Variants in TXNDC5 observed in about 807,000 individuals in gnomAD.
TXNDC5 encodes the protein thioredoxin domain-containing protein 5.
A neutral mutation model predicts 52.6 loss-of-function variants in TXNDC5; 44 were observed. The ratio of observed to expected loss-of-function variants is 0.84; its 90% CI spans 0.66 to 1.08. The LOEUF (loss-of-function observed/expected upper bound fraction) is 1.08, where lower values mean the gene tolerates loss of function less well. Among genes scored for constraint, TXNDC5 ranks in the 50% least tolerant of loss-of-function variants. The probability of loss-of-function intolerance (pLI) is 0.00; values close to 1 mark genes in which losing one functional copy is unlikely to be tolerated. For missense variants in TXNDC5, 600 were observed against 565.5 expected (o/e 1.06, Z -0.62); for synonymous variants, 241 against 234.4 (o/e 1.03, Z -0.26).
At position 7,881,930 on chromosome 6, in the gene TXNDC5, T is replaced by C. The variant is rs536253196; in HGVS notation, c.*1214A>G. 6.6e-6 allele frequency: 1 copy of C among 151,316 alleles called. No homozygotes were observed. Among genetic ancestry groups the C allele is most frequent in the Non-Finnish European group, 1.5e-5 (1 of 67,834 alleles). The allele number at this position is 151,316 out of a possible 1,614,324, so 9.4% of individuals were successfully genotyped here. A position where few individuals can be genotyped will look rare whatever the true frequency, so the allele number is the denominator to read the frequency against. ...TAAAAGGACAAACACCTATCTATCT[T>C]AGAGCTTAAGCCTGTATGTGCTTAT... On this transcript the variant is annotated 3_prime_UTR_variant, in exon 10 of 10. Coordinates refer to ENST00000379757, the MANE Select transcript of TXNDC5 (RefSeq NM_030810.5).
At chr6:7,886,218 G>A (rs572601835) in intron 7 of TXNDC5, among the ~76,000 whole-genome samples, 175 bp from the exon 8 acceptor site, 6 of 152,338 alleles carry the variant, frequency 3.9e-5, no homozygotes, top group Admixed American at 2.0e-4. Flanking sequence ...CACAAAGGGA[G>A]GCTGGCAGCC....
intron 3 of TXNDC5, among the ~76,000 whole-genome samples, chr6:7,899,327 GCT>G (rs1760481590): frequency 6.6e-6 from 1 of 152,230 alleles, no homozygotes; most frequent in Non-Finnish European, 1.5e-5. Flanking sequence ...GGTGGTAACT[GCT>G]GAAACTCAGG....
chr6:7,883,152 C>CG lies in TXNDC5; in HGVS notation c.1290dup (p.Glu431ArgfsTer70). 6.2e-7 allele frequency: 1 copy of CG among 1,614,160 alleles called. No individual in the cohort carries two copies. The highest frequency in any genetic ancestry group is 8.5e-7 in the Non-Finnish European group (1 of 1,180,024). On this transcript the variant is annotated frameshift_variant, in exon 10 of 10. Transcript: ENST00000379757. LOFTEE classifies it high-confidence loss of function. Reference sequence around the variant, plus strand: ...GACCTCCAACTGTGTTCCTAAAGTTCGTCTTTCGCTTGGCTCAGGACAAAG... The same window carrying CG: ...GACCTCCAACTGTGTTCCTAAAGTTCGGTCTTTCGCTTGGCTCAGGACAAAG...
At chr6:7,893,228 G>A (rs1760257386) in intron 4 of TXNDC5, among the ~76,000 whole-genome samples, 1 of 152,216 alleles carries the variant, frequency 6.6e-6, no homozygotes, top group Non-Finnish European at 1.5e-5. Context: ...CCAGTGGCAT[G>A]TGGCCTGGCG....
At chr6:7,900,732 C>G (rs1760539721) in intron 2 of TXNDC5, among the ~76,000 whole-genome samples, 1 of 152,178 alleles carries the variant, frequency 6.6e-6, no homozygotes, top group Non-Finnish European at 1.5e-5. Flanking sequence ...GAGTCAGTGT[C>G]TGGTGAGGGC....
intron 1 of TXNDC5, among the ~76,000 whole-genome samples, chr6:7,908,959 A>G (rs930848790): frequency 6.6e-6 from 1 of 152,220 alleles, no homozygotes; most frequent in African/African-American, 2.4e-5. Flanking sequence ...CTCCCGAACA[A>G]AGAGAAACTG....
intron 3 of TXNDC5, among the ~76,000 whole-genome samples, chr6:7,896,419 A>G (rs79593544): frequency 2.0e-5 from 3 of 152,340 alleles, no homozygotes; most frequent in East Asian, 3.9e-4. Flanking sequence ...TGAGGGAAAG[A>G]TAATGGAATC....
chr6:7,886,745 T>G (rs1759996903), intron 7 of TXNDC5, among the ~76,000 whole-genome samples: 1 of 152,180 alleles, frequency 6.6e-6, no homozygotes, highest in Non-Finnish European at 1.5e-5. Context: ...TCTCCAAAAA[T>G]GGATCTGCGA....
In TXNDC5 at chr6:7,910,553, A is replaced by C; in HGVS notation, c.224T>G (p.Ile75Ser). 1.4e-6 allele frequency: 2 copies of C among 1,456,524 alleles called. No individual in the cohort carries two copies. The highest frequency in any genetic ancestry group is 1.8e-6 in the Non-Finnish European group (2 of 1,094,484). 90.2% of individuals were successfully genotyped at this position (1,456,524 alleles called of 1,614,324 possible). Residue 75 changes from isoleucine (I) to serine (S), a missense_variant, in exon 1 of 10, where the codon ATC becomes AGC. Physicochemically the swap from Ile to Ser is moderately radical, Grantham distance 142 (BLOSUM62 -2). Transcript: ENST00000379757. The part of the protein sequence containing the change: ...LYTADMFTHG[I>S]QSAAHFVMFF... ...CATGACGAAGTGCGCGGCGCTCTGG[A>C]TCCCGTGCGTGAACATGTCGGCCGT...
intron 4 of TXNDC5, among the ~76,000 whole-genome samples, chr6:7,893,782 G>A (rs926155876): frequency 2.6e-5 from 4 of 152,232 alleles, no homozygotes; most frequent in African/African-American, 9.6e-5. Flanking sequence ...CTGACTCCCA[G>A]CAGGCACAAG....
intron 3 of TXNDC5, among the ~76,000 whole-genome samples, chr6:7,897,395 A>C (rs1212558474): frequency 6.6e-6 from 1 of 152,252 alleles, no homozygotes; most frequent in Non-Finnish European, 1.5e-5. Context: ...TTAGGTATAC[A>C]GATAAAGAAC....
chr6:7,887,625 C>A (rs1259393089), intron 7 of TXNDC5, among the ~76,000 whole-genome samples: 1 of 152,192 alleles, frequency 6.6e-6, no homozygotes, highest in East Asian at 1.9e-4. Flanking sequence ...CTTCCCACCT[C>A]CAGCACACGT....
intron 2 of TXNDC5, among the ~76,000 whole-genome samples, chr6:7,901,586 G>A (rs995801960): frequency 6.6e-5 from 10 of 152,252 alleles, no homozygotes; most frequent in African/African-American, 1.2e-4. Flanking sequence ...CCCAGGGACA[G>A]AGCGGACACT....
Position 7,883,129 on chromosome 6 carries a change from C to CCTCCAACTGTGTTCCTAA in TXNDC5, c.1296_*14dup. 6.2e-7 allele frequency: 1 copy of CCTCCAACTGTGTTCCTAA among 1,614,056 alleles called. No homozygotes were observed. The highest frequency in any genetic ancestry group is 8.5e-7 in the Non-Finnish European group (1 of 1,179,996). Reference sequence around the variant, plus strand: ...TGCGGGAGCTGGGCAGGAGAGGTGACCTCCAACTGTGTTCCTAAAGTTCGT... The same window carrying CCTCCAACTGTGTTCCTAA: ...TGCGGGAGCTGGGCAGGAGAGGTGACCTCCAACTGTGTTCCTAACTCCAACTGTGTTCCTAAAGTTCGT... On this transcript the variant is annotated 3_prime_UTR_variant, in exon 10 of 10. Transcript: ENST00000379757.
chr6:7,899,539 G>C, intron 3 of TXNDC5, 37 bp downstream of exon 3: 1 of 1,454,156 alleles, frequency 6.9e-7, no homozygotes, highest in Middle Eastern at 2.0e-4. Flanking sequence ...GAGAGAGGGA[G>C]GGAGGGAGGG....
In TXNDC5 at chr6:7,910,390, C is replaced by T. The variant is rs565574802; in HGVS notation, c.263+124G>A. On this transcript the variant is annotated intron_variant, in intron 1 of 9. Transcript: ENST00000379757. ...CCCCGAGCCCCGCGCCCGTAGCACG[C>T]ACGCCGCAGACCAGAGCCGTCGGCG... The T allele has an allele frequency of 3.2e-5, 35 of 1,101,354 alleles. No homozygotes were observed. The African/African-American group carries it at 4.2e-4, about 13-fold the overall frequency. 68.2% of individuals were successfully genotyped at this position (1,101,354 alleles called of 1,614,324 possible). A position where few individuals can be genotyped will look rare whatever the true frequency, so the allele number is the denominator to read the frequency against.
intron 2 of TXNDC5, chr6:7,899,958 A>T (rs111410355): frequency 1.0e-4 from 29 of 277,470 alleles, no homozygotes; most frequent in African/African-American, 5.1e-4. Context: ...CAAAAGCTAC[A>T]GTACTCAGTG....
chr6:7,906,535 C>CAAAA (rs1207193194), intron 1 of TXNDC5, among the ~76,000 whole-genome samples: 533 of 42,378 alleles, frequency 0.013, 53 homozygotes, highest in East Asian at 0.025. Context: ...GACTCCATCT[C>CAAAA]AAAAAAAAAA....
intron 3 of TXNDC5, 33 bp from the exon 4 acceptor site, chr6:7,895,235 G>C: frequency 6.3e-7 from 1 of 1,582,574 alleles, no homozygotes; most frequent in South Asian, 1.1e-5. Flanking sequence ...TCATGGGTGT[G>C]TCAGTGGAGA....
Sources: allele counts gnomAD v4.1 joint callset (sites outside exome capture counted in the v4.1 genomes callset), GRCh38; gene constraint gnomAD v4.1.1; transcripts MANE v1.5; gene names NCBI Gene and HGNC (gene_info 2026-07-23, HGNC 2026-07-21).